Variants in FAM169A observed in about 807,000 individuals in gnomAD.
The protein encoded by FAM169A is family with sequence similarity 169 member A.
In FAM169A, 24 loss-of-function variants were observed where a neutral mutation model predicts 75.7. The ratio of observed to expected loss-of-function variants is 0.32; its 90% confidence interval spans 0.23 to 0.45. FAM169A has a LOEUF of 0.45. Ranked by LOEUF, FAM169A falls within the 20% of genes least tolerant of loss-of-function variation. The probability of loss-of-function intolerance (pLI) is 1.00; values close to 1 mark genes in which losing one functional copy is unlikely to be tolerated. For synonymous variants in FAM169A, 271 were observed against 271.0 expected (o/e 1.00, Z 0.00); for missense variants, 673 against 784.0 (o/e 0.86, Z 1.69).
chr5:74,789,005 C>G (rs969149199), intron 11 of FAM169A, among the ~76,000 whole-genome samples: 1 of 152,224 alleles, frequency 6.6e-6, no homozygotes, highest in Non-Finnish European at 1.5e-5. Flanking sequence ...TTGCCAAATG[C>G]CTTTTTCTCC....
Position 74,781,336 on chromosome 5 carries a change from G to A in FAM169A, c.*124C>T, listed in dbSNP as rs546239796. The A allele has an allele frequency of 1.7e-4, 138 of 834,646 alleles. No individual in the cohort carries two copies. The African/African-American group carries it at 2.2e-3, about 13-fold the overall frequency. The allele number at this position is 834,646 out of a possible 1,614,324, so 51.7% of individuals were successfully genotyped here. On this transcript the variant is annotated 3_prime_UTR_variant, in exon 13 of 13. Transcript: ENST00000687041. ...AGGGAAGCAAAAAACTGCATAGTAA[G>A]TAAGTTCAAATTGAAATTTTGGAAA...
rs559380991 is a variant in FAM169A at position 74,842,535 on chromosome 5, C to CT, written c.-3-857dup. 4.6e-3 allele frequency among the ~76,000 whole-genome samples: 390 copies of CT among 84,656 alleles called. 1 individual carries two copies. Among genetic ancestry groups the CT allele is most frequent in the Middle Eastern group, 0.023 (3 of 128 alleles). The allele number at this position is 84,656 out of a possible 152,430, so 55.5% of individuals were successfully genotyped here. A position where few individuals can be genotyped will look rare whatever the true frequency, so the allele number is the denominator to read the frequency against. On this transcript the variant is annotated intron_variant, in intron 1 of 12. Coordinates refer to ENST00000687041, the MANE Select transcript of FAM169A (RefSeq NM_001376049.1). ...TAATTCTCATATATATAGCTTTTTT[C>CT]TTTTTTTTTTTTTTGAGATAGAGTT...
Position 74,779,332 on chromosome 5 carries a change from A to G in FAM169A, c.*2128T>C, listed in dbSNP as rs1359678156. On this transcript the variant is annotated 3_prime_UTR_variant, in exon 13 of 13. Transcript: ENST00000687041. ...TAGTGCTCACTTCGGCAGCACATATACTAAAATTAGAACAATACAGGGAAA... is the reference window on the plus strand; with the variant it reads ...TAGTGCTCACTTCGGCAGCACATATGCTAAAATTAGAACAATACAGGGAAA... 6.6e-6 allele frequency: 1 copy of G among 152,178 alleles called. No individual in the cohort carries two copies. The highest frequency in any genetic ancestry group is 1.5e-5 in the Non-Finnish European group (1 of 68,012). 9.4% of individuals were successfully genotyped at this position (152,178 alleles called of 1,614,324 possible). A position where few individuals can be genotyped will look rare whatever the true frequency, so the allele number is the denominator to read the frequency against.
intron 5 of FAM169A, among the ~76,000 whole-genome samples, chr5:74,828,658 A>T (rs1748156533): frequency 6.6e-6 from 1 of 152,220 alleles, no homozygotes; most frequent in Non-Finnish European, 1.5e-5. Context: ...AAAGGTTCTA[A>T]AATATAAATG....
chr5:74,866,797 GC>G, upstream of FAM169A: 1 of 985,536 alleles, frequency 1.0e-6, no homozygotes, highest in Non-Finnish European at 1.2e-6. Flanking sequence ...CTCCAGCCCC[GC>G]GTAGGCCCTC....
At chr5:74,811,401 A>G (rs1483803777) in intron 6 of FAM169A, among the ~76,000 whole-genome samples, 2 of 152,162 alleles carry the variant, frequency 1.3e-5, no homozygotes, top group Non-Finnish European at 2.9e-5. Context: ...AAATTCAGTA[A>G]AGCAGTAATT....
chr5:74,810,848 A>G (rs1284974675), intron 6 of FAM169A, among the ~76,000 whole-genome samples: 3 of 120,944 alleles, frequency 2.5e-5, no homozygotes, highest in African/African-American at 3.2e-5. Context: ...TTGAAACAGG[A>G]TCTGGCTCTT....
rs1395946204 is a variant in FAM169A, at chr5:74,866,196, C to G, written c.-35G>C. ...CGCGCCCCGGGAGCCGCTGGAAGAG[C>G]CCGGGAAAGGAGGCGGAGCCGCGCG... On this transcript the variant is annotated 5_prime_UTR_variant, in exon 1 of 13. Transcript: ENST00000687041. 99 of 984,238 alleles carry G rather than the reference C, an allele frequency of 1.0e-4. No individual in the cohort carries two copies. Among genetic ancestry groups the G allele is most frequent in the Non-Finnish European group, 1.2e-4 (98 of 829,590 alleles). 61.0% of individuals were successfully genotyped at this position (984,238 alleles called of 1,614,324 possible).
Position 74,780,799 on chromosome 5 carries a change from AGAT to A in FAM169A, c.*658_*660del, listed in dbSNP as rs1321078820. ...AATCCCTGACAGTACTGTTAACATCAGATGATAGAATGAATCAGAAACAGATTT... is the reference window on the plus strand; with the variant it reads ...AATCCCTGACAGTACTGTTAACATCAGATAGAATGAATCAGAAACAGATTT... On this transcript the variant is annotated 3_prime_UTR_variant, in exon 13 of 13. Coordinates refer to ENST00000687041, the MANE Select transcript of FAM169A (RefSeq NM_001376049.1). 1 of 152,234 alleles carries A rather than the reference AGAT, an allele frequency of 6.6e-6. No individual in the cohort carries two copies. Among genetic ancestry groups the A allele is most frequent in the Non-Finnish European group, 1.5e-5 (1 of 68,038 alleles). 9.4% of individuals were successfully genotyped at this position (152,234 alleles called of 1,614,324 possible).
chr5:74,814,225 T>C (rs1438272818), intron 5 of FAM169A, among the ~76,000 whole-genome samples: 2 of 152,176 alleles, frequency 1.3e-5, no homozygotes, highest in Non-Finnish European at 1.5e-5. Context: ...CTATGTATTT[T>C]ATGTTTGCTA....
chr5:74,805,358 G>A, intron 6 of FAM169A, 74 bp from the exon 7 acceptor site: 1 of 1,448,674 alleles, frequency 6.9e-7, no homozygotes, highest in Non-Finnish European at 9.5e-7. Context: ...TGAAAAGTAA[G>A]CTTCCCAACT....
intron 11 of FAM169A, among the ~76,000 whole-genome samples, chr5:74,784,588 G>C (rs1299075982): frequency 8.2e-6 from 1 of 122,128 alleles, no homozygotes; most frequent in South Asian, 2.6e-4. Context: ...TTCAGGAAGA[G>C]AGGGTAATCA....
chr5:74,781,485 G>A lies in FAM169A; in HGVS notation c.1988C>T (p.Ala663Val), dbSNP rs777501979. 6 of 1,613,990 alleles carry A rather than the reference G, an allele frequency of 3.7e-6. No individual in the cohort carries two copies. Among genetic ancestry groups the A allele is most frequent in the Non-Finnish European group, 5.1e-6 (6 of 1,179,936 alleles). The change falls in exon 13 of 13, where the codon GCT becomes GTT. Residue 663 changes from alanine (A) to valine (V), a missense_variant. By Grantham distance (64) the Ala-to-Val change is moderately conservative (BLOSUM62 0). Coordinates refer to ENST00000687041, the MANE Select transcript of FAM169A (RefSeq NM_001376049.1). ...RRKAKGHKGPAKKKAKLT is the reference protein window; with the variant it reads ...RRKAKGHKGPVKKKAKLT ...TCAGGTCAGCTTAGCTTTCTTCTTAGCAGGTCCTTTATGCCCTTTGGCCTT... is the reference window on the plus strand; with the variant it reads ...TCAGGTCAGCTTAGCTTTCTTCTTAACAGGTCCTTTATGCCCTTTGGCCTT...
rs1307970883 is a variant in FAM169A at position 74,847,308 on chromosome 5, C to T, written c.-3-5629G>A. On this transcript the variant is annotated intron_variant, in intron 1 of 12. Transcript: ENST00000687041. ...ACTGTCCATTCCTTCCCCCCACCAC[C>T]CCCTGGTAACCTCTATTTTACTTCC... 2.0e-5 allele frequency among the ~76,000 whole-genome samples: 3 copies of T among 152,084 alleles called. No individual in the cohort carries two copies. The East Asian group carries it at 5.8e-4, about 29-fold the overall frequency.
chr5:74,841,994 T>C (rs551479793), intron 1 of FAM169A, among the ~76,000 whole-genome samples: 1 of 151,950 alleles, frequency 6.6e-6, no homozygotes, highest in Non-Finnish European at 1.5e-5. Flanking sequence ...CACATATAAA[T>C]ATACTCTCAT....
At position 74,866,202 on chromosome 5, in the gene FAM169A, A is replaced by C. The variant is rs1169482868; in HGVS notation, c.-41T>G. The C allele has an allele frequency of 3.0e-6, 3 of 984,116 alleles. No homozygotes were observed. Among genetic ancestry groups the C allele is most frequent in the Non-Finnish European group, 3.6e-6 (3 of 829,544 alleles). 61.0% of individuals were successfully genotyped at this position (984,116 alleles called of 1,614,324 possible). On this transcript the variant is annotated 5_prime_UTR_variant, in exon 1 of 13. Coordinates refer to ENST00000687041, the MANE Select transcript of FAM169A (RefSeq NM_001376049.1). Reference sequence around the variant, plus strand: ...CCGGGAGCCGCTGGAAGAGCCCGGGAAAGGAGGCGGAGCCGCGCGAATGAA... The same window carrying C: ...CCGGGAGCCGCTGGAAGAGCCCGGGCAAGGAGGCGGAGCCGCGCGAATGAA...
chr5:74,843,893 A>G (rs1237715180), intron 1 of FAM169A, among the ~76,000 whole-genome samples: 1 of 152,222 alleles, frequency 6.6e-6, no homozygotes, highest in Non-Finnish European at 1.5e-5. Flanking sequence ...CAGGCTAACC[A>G]ATGTTACTGA....
At chr5:74,856,397 G>A (rs1749707439) in intron 1 of FAM169A, among the ~76,000 whole-genome samples, 1 of 152,018 alleles carries the variant, frequency 6.6e-6, no homozygotes, top group South Asian at 2.1e-4. Flanking sequence ...TGACAATATT[G>A]ATTCTTCCAA....
chr5:74,818,180 T>G (rs913498838), intron 5 of FAM169A, among the ~76,000 whole-genome samples: 6 of 152,096 alleles, frequency 3.9e-5, no homozygotes, highest in African/African-American at 1.4e-4. Context: ...AATTAAAAAC[T>G]TCTGGGCTTC....
Sources: gnomAD v4.1 joint callset for allele counts (sites outside exome capture counted in the v4.1 genomes callset) on GRCh38, gnomAD v4.1.1 for gene constraint, MANE v1.5 for transcripts, NCBI Gene and HGNC (gene_info 2026-07-23, HGNC 2026-07-21) for gene names.